The following CSMD1 variants were observed in gnomAD, a reference collection of about 807,000 sequenced individuals.
The protein encoded by CSMD1 is CUB and Sushi multiple domains 1, also known as CUB and sushi domain-containing protein 1.
Under a neutral mutation model 417.5 loss-of-function variants are expected in CSMD1, and 213 were observed. The ratio of observed to expected loss-of-function variants is 0.51; its 90% CI spans 0.46 to 0.57. The LOEUF (loss-of-function observed/expected upper bound fraction) is 0.57. Ranked by LOEUF, CSMD1 falls within the 20% of genes least tolerant of loss-of-function variation. CSMD1 has a pLI of 0.00. For synonymous variants in CSMD1, 2,862 were observed against 1,736.8 expected, an observed-to-expected ratio of 1.65 and a Z score of -16.11; for missense variants, 6,923 against 4,529.7, an observed-to-expected ratio of 1.53 and a Z score of -15.17.
chr8:4,040,816 G>T (rs996744430), intron 3 of CSMD1, among the ~76,000 whole-genome samples: 1 of 152,084 alleles, frequency 6.6e-6, no homozygotes, highest in African/African-American at 2.4e-5. Flanking sequence ...TTAATAGCAC[G>T]TGAAAGACTT....
intron 5 of CSMD1, among the ~76,000 whole-genome samples, chr8:3,948,135 G>A (rs531252304): frequency 2.0e-5 from 3 of 152,258 alleles, no homozygotes; most frequent in Non-Finnish European, 4.4e-5. Flanking sequence ...TAACCGAGAG[G>A]CTTAGGTTGC....
At chr8:3,419,913 C>A (rs1813381662) in intron 12 of CSMD1, among the ~76,000 whole-genome samples, 1 of 152,124 alleles carries the variant, frequency 6.6e-6, no homozygotes, top group African/African-American at 2.4e-5. Flanking sequence ...GGAATCTCAG[C>A]AACATCAATT....
At chr8:3,868,390 C>G (rs574509077) in intron 5 of CSMD1, among the ~76,000 whole-genome samples, 2 of 152,196 alleles carry the variant, frequency 1.3e-5, no homozygotes, top group Non-Finnish European at 2.9e-5. Flanking sequence ...GCCACAGGTC[C>G]CTGCTGTGCA....
intron 10 of CSMD1, among the ~76,000 whole-genome samples, chr8:3,556,415 T>TATATATATATATATATACATA (rs1799148435): frequency 1.8e-5 from 1 of 57,102 alleles, no homozygotes; most frequent in African/African-American, 6.2e-5. Context: ...ATATATATAT[T>TATATATATATATATATACATA]CACACACACA....
intron 3 of CSMD1, among the ~76,000 whole-genome samples, chr8:4,291,786 ATAAGACAAG>A (rs1254875134): frequency 6.6e-6 from 1 of 152,268 alleles, no homozygotes; most frequent in Non-Finnish European, 1.5e-5. Flanking sequence ...AAGAGCTAAT[ATAAGACAAG>A]TAATATCTGG....
At chr8:3,873,740 A>T (rs77656133) in intron 5 of CSMD1, among the ~76,000 whole-genome samples, 2,018 of 152,330 alleles carry the variant, frequency 0.013, 39 homozygotes, top group African/African-American at 0.044. Context: ...TTTTCTCAGT[A>T]TTAAGGATAC....
At chr8:4,039,166 T>C (rs982561215) in intron 3 of CSMD1, among the ~76,000 whole-genome samples, 2 of 152,210 alleles carry the variant, frequency 1.3e-5, no homozygotes, top group African/African-American at 4.8e-5. Flanking sequence ...ATCAGTGGAA[T>C]TTCATGAGGT....
intron 23 of CSMD1, among the ~76,000 whole-genome samples, chr8:3,325,494 A>C (rs759131823): frequency 6.6e-6 from 1 of 152,234 alleles, no homozygotes; most frequent in African/African-American, 2.4e-5. Flanking sequence ...GGTGGCCAAC[A>C]ACTTATTCCT....
At chr8:4,311,965 A>G (rs1337825160) in intron 3 of CSMD1, among the ~76,000 whole-genome samples, 1 of 152,046 alleles carries the variant, frequency 6.6e-6, no homozygotes, top group Non-Finnish European at 1.5e-5. Flanking sequence ...CCTGAAACTT[A>G]GAAAACAAAA....
intron 1 of CSMD1, among the ~76,000 whole-genome samples, chr8:4,841,911 C>CAAACAAAACAAAAAA (rs779855887): frequency 2.0e-4 from 7 of 34,828 alleles, no homozygotes; most frequent in East Asian, 9.7e-4. Flanking sequence ...AACTCCGTCT[C>CAAACAAAACAAAAAA]AAAAAAAAAA....
At chr8:4,567,288 G>C (rs952617293) in intron 2 of CSMD1, among the ~76,000 whole-genome samples, 7 of 152,092 alleles carry the variant, frequency 4.6e-5, no homozygotes, top group African/African-American at 1.4e-4. Flanking sequence ...TTATTTCTCA[G>C]AGCTTGTAAA....
chr8:3,614,710 G>A (rs1030179024), intron 8 of CSMD1, among the ~76,000 whole-genome samples: 3 of 152,202 alleles, frequency 2.0e-5, no homozygotes, highest in South Asian at 2.1e-4. Context: ...GATACAAGAT[G>A]GGCAGTTCCT....
chr8:4,197,889 AG>A (rs2131241495), intron 3 of CSMD1, among the ~76,000 whole-genome samples: 1 of 152,306 alleles, frequency 6.6e-6, no homozygotes, highest in Admixed American at 6.5e-5. Context: ...AAAGTTAAGA[AG>A]AAAAAAAGCT....
At chr8:4,344,270 A>G (rs911101745) in intron 3 of CSMD1, among the ~76,000 whole-genome samples, 5 of 152,176 alleles carry the variant, frequency 3.3e-5, no homozygotes, top group African/African-American at 1.2e-4. Flanking sequence ...TGTTCATTCA[A>G]TTGTTCATTC....
intron 17 of CSMD1, 45 bp from the exon 18 acceptor site, chr8:3,387,727 G>T (rs963147211): frequency 2.0e-6 from 3 of 1,498,340 alleles, no homozygotes; most frequent in African/African-American, 2.8e-5. Flanking sequence ...CTTTCTGGTT[G>T]ATTGAAAATA....
At chr8:4,606,816 T>G (rs1012383337) in intron 2 of CSMD1, among the ~76,000 whole-genome samples, 8 of 152,196 alleles carry the variant, frequency 5.3e-5, no homozygotes, top group African/African-American at 1.4e-4. Flanking sequence ...AATAGAAAAC[T>G]AATTTTATAA....
At chr8:4,213,820 G>C (rs565077593) in intron 3 of CSMD1, among the ~76,000 whole-genome samples, 3 of 152,164 alleles carry the variant, frequency 2.0e-5, no homozygotes, top group South Asian at 2.1e-4. Context: ...AGAAAGATAA[G>C]AAAAGAGACA....
At chr8:3,125,343 G>T (rs972725030) in intron 41 of CSMD1, among the ~76,000 whole-genome samples, 1 of 152,224 alleles carries the variant, frequency 6.6e-6, no homozygotes, top group South Asian at 2.1e-4. Context: ...CGAAGGAGGC[G>T]TCAATCTGCT....
At chr8:3,711,542 C>G (rs1801509439) in intron 6 of CSMD1, among the ~76,000 whole-genome samples, 1 of 152,214 alleles carries the variant, frequency 6.6e-6, no homozygotes. Flanking sequence ...ACCACGGCAC[C>G]TGGCGTCTTC....
Sources: allele counts gnomAD v4.1 joint callset (sites outside exome capture counted in the v4.1 genomes callset), GRCh38; gene constraint gnomAD v4.1.1; transcripts MANE v1.5; gene names NCBI Gene and HGNC (gene_info 2026-07-23, HGNC 2026-07-21).